The following FAT4 variants were observed in gnomAD, a reference collection of about 807,000 sequenced individuals.
FAT4 encodes FAT atypical cadherin 4, also known as protocadherin Fat 4.
A neutral mutation model predicts 303.9 loss-of-function variants in FAT4; 84 were observed. That is an observed-to-expected ratio of 0.28 (90% CI 0.23 to 0.33). The LOEUF is 0.33. Among genes scored for constraint, FAT4 ranks in the 10% least tolerant of loss-of-function variants. FAT4 has a pLI of 1.00. For synonymous variants in FAT4, 2,307 were observed against 2,298.8 expected (o/e 1.00, Z -0.10); for missense variants, 6,005 against 6,146.8 (o/e 0.98, Z 0.77).
At chr4:125,337,046 A>C (rs1731604112) in intron 2 of FAT4, among the ~76,000 whole-genome samples, 1 of 151,910 alleles carries the variant, frequency 6.6e-6, no homozygotes, top group Non-Finnish European at 1.5e-5. Flanking sequence ...GCGCCATTTG[A>C]GTTCATTTGG....
At chr4:125,475,762 A>G (rs1727005865) in intron 12 of FAT4, among the ~76,000 whole-genome samples, 1 of 152,104 alleles carries the variant, frequency 6.6e-6, no homozygotes. Flanking sequence ...GACTTTTGAA[A>G]ATCAAAAATT....
Position 125,317,177 on chromosome 4 carries a change from C to CGGGCGG in FAT4, c.766_767insGGGCGG (p.Gln256delinsArgAlaGlu). The CGGGCGG allele has an allele frequency of 6.2e-7, 1 of 1,600,572 alleles. No homozygotes were observed. ...CCCGGTTTTTGGCAGTTCTCACTAC[C>CGGGCGG]AGGCGGGGGTGCCTGAGGACGCGGT... is the stretch of plus-strand genomic sequence containing the variant. On this transcript the variant is annotated protein_altering_variant, in exon 2 of 18. Coordinates refer to ENST00000394329, the MANE Select transcript of FAT4 (RefSeq NM_001291303.3). The surrounding 1 kb of genome is among the most constrained non-coding windows in gnomAD (Gnocchi z 7.0).
chr4:125,326,052 G>T (rs553708238), intron 2 of FAT4, among the ~76,000 whole-genome samples: 1 of 151,988 alleles, frequency 6.6e-6, no homozygotes, highest in South Asian at 2.1e-4. Context: ...TGAGATTTTG[G>T]CAGTTCAGTT....
intron 6 of FAT4, 140 bp from the exon 7 acceptor site, chr4:125,416,308 T>C: frequency 2.5e-6 from 2 of 785,028 alleles, no homozygotes; most frequent in South Asian, 3.8e-5. Context: ...GTGCCATTTT[T>C]ATTTTTTACT....
rs534581410 is a variant in FAT4 at position 125,430,759 on chromosome 4, A to G, written c.7019-3486A>G. ...TACTCTGGAGAAAGTTCTTGGCTTGAAAACAGACTCATATAGATGTAGAAT... is the reference window on the plus strand; with the variant it reads ...TACTCTGGAGAAAGTTCTTGGCTTGGAAACAGACTCATATAGATGTAGAAT... On this transcript the variant is annotated intron_variant, in intron 7 of 17. Transcript: ENST00000394329. Among the ~76,000 whole-genome samples, 33 of 152,234 alleles carry G rather than the reference A, an allele frequency of 2.2e-4. No homozygotes were observed. In the South Asian group the frequency reaches 6.8e-3, roughly 32 times the overall value.
At chr4:125,395,931 T>A (rs1399065544) in intron 2 of FAT4, among the ~76,000 whole-genome samples, 1 of 152,186 alleles carries the variant, frequency 6.6e-6, no homozygotes, top group South Asian at 2.1e-4. Flanking sequence ...TAGAGCACTA[T>A]GTAGTGATCC....
At chr4:125,372,277 G>A (rs1042255597) in intron 2 of FAT4, among the ~76,000 whole-genome samples, 8 of 151,484 alleles carry the variant, frequency 5.3e-5, no homozygotes, top group African/African-American at 1.7e-4. Flanking sequence ...TGGGAGGATC[G>A]CTTGAACCCA....
At chr4:125,466,512 G>T (rs1021201738) in intron 11 of FAT4, among the ~76,000 whole-genome samples, 1 of 151,048 alleles carries the variant, frequency 6.6e-6, no homozygotes, top group Non-Finnish European at 1.5e-5. Context: ...TTTCTGCATA[G>T]ATAGCATATT....
At position 125,450,431 on chromosome 4, in the gene FAT4, A is replaced by C; in HGVS notation, c.9421A>C (p.Ile3141Leu). The C allele has an allele frequency of 6.2e-7, 1 of 1,614,110 alleles. No homozygotes were observed. Among genetic ancestry groups the C allele is most frequent in the Middle Eastern group, 1.6e-4 (1 of 6,062 alleles). ...AGGAAATGAAGAAGGCATTTTTGCA[A>C]TCAATTCTTCTACAGGTATATTAAC... ...SSGNEEGIFA[I>L]NSSTGILTLA... Residue 3141 changes from isoleucine (I) to leucine (L), a missense_variant, in exon 10 of 18, where the codon ATC becomes CTC. Coordinates refer to ENST00000394329, the MANE Select transcript of FAT4 (RefSeq NM_001291303.3).
At chr4:125,374,054 CA>C (rs1487453850) in intron 2 of FAT4, among the ~76,000 whole-genome samples, 3 of 152,128 alleles carry the variant, frequency 2.0e-5, no homozygotes, top group Non-Finnish European at 4.4e-5. Context: ...ACCTTGAAAT[CA>C]GATATACCAA....
chr4:125,374,531 T>G (rs1733242819), intron 2 of FAT4, among the ~76,000 whole-genome samples: 1 of 152,208 alleles, frequency 6.6e-6, no homozygotes. Flanking sequence ...AGACATTAAT[T>G]GCAAAACGAC....
intron 2 of FAT4, among the ~76,000 whole-genome samples, chr4:125,354,548 T>C (rs1448618605): frequency 1.3e-5 from 2 of 151,710 alleles, no homozygotes. Context: ...CCCAGGCCAA[T>C]TTAAACAATG....
intron 2 of FAT4, 70 bp from the exon 3 acceptor site, chr4:125,398,714 G>C (rs964851410): frequency 1.3e-6 from 2 of 1,491,884 alleles, no homozygotes; most frequent in East Asian, 4.7e-5. Flanking sequence ...TGGATTCCTG[G>C]TAGTCATTTT....
intron 7 of FAT4, among the ~76,000 whole-genome samples, chr4:125,430,575 A>G (rs909537400): frequency 1.3e-5 from 2 of 152,164 alleles, no homozygotes; most frequent in Non-Finnish European, 2.9e-5. Context: ...AATTTTTAAA[A>G]CTAACAAGAC....
intron 3 of FAT4, among the ~76,000 whole-genome samples, chr4:125,401,639 A>C (rs1274293393): frequency 6.6e-6 from 1 of 152,022 alleles, no homozygotes; most frequent in Non-Finnish European, 1.5e-5. Context: ...TTATAAAACA[A>C]CATGTACATG....
At chr4:125,324,297 A>G (rs566649005) in intron 2 of FAT4, among the ~76,000 whole-genome samples, 1 of 152,108 alleles carries the variant, frequency 6.6e-6, no homozygotes, top group African/African-American at 2.4e-5. Context: ...TGTATTACAT[A>G]GGAACATGCA....
chr4:125,320,822 A>G lies in FAT4; in HGVS notation c.4411A>G (p.Ile1471Val), dbSNP rs1730909137. 7 of 1,614,160 alleles carry G rather than the reference A, an allele frequency of 4.3e-6. No individual in the cohort carries two copies. Among genetic ancestry groups the G allele is most frequent in the African/African-American group, 1.3e-5 (1 of 75,068 alleles). Reference sequence around the variant, plus strand: ...GATGCCAAGAGGCAACCACTTTACCATAGATGAAGTCAAAGGGACTATATA... The same window carrying G: ...GATGCCAAGAGGCAACCACTTTACCGTAGATGAAGTCAAAGGGACTATATA... ...QQMPRGNHFT[I>V]DEVKGTIYTN... The change falls in exon 2 of 18, where the codon ATA becomes GTA. Residue 1471 changes from isoleucine to valine, a missense_variant. Ile to Val is a conservative substitution (Grantham distance 29). Transcript: ENST00000394329.
At chr4:125,359,050 G>A (rs779858513) in intron 2 of FAT4, among the ~76,000 whole-genome samples, 7 of 152,108 alleles carry the variant, frequency 4.6e-5, no homozygotes, top group South Asian at 2.1e-4. Context: ...TTAAACTTAT[G>A]ATCAGACTTA....
At chr4:125,393,558 G>A (rs189242317) in intron 2 of FAT4, among the ~76,000 whole-genome samples, 2 of 152,090 alleles carry the variant, frequency 1.3e-5, no homozygotes, top group Admixed American at 1.3e-4. Flanking sequence ...TAACATTCTT[G>A]ATGTAGAGCA....
Sources: gnomAD v4.1 joint callset for allele counts (sites outside exome capture counted in the v4.1 genomes callset) on GRCh38, gnomAD v4.1.1 for gene constraint, Gnocchi (gnomAD v3.1) non-coding constraint, MANE v1.5 for transcripts, NCBI Gene and HGNC (gene_info 2026-07-23, HGNC 2026-07-21) for gene names.